Variants in GALNT13 observed in about 807,000 individuals in gnomAD.
GALNT13 encodes UDP-GalNAc:polypeptide N-acetylgalactosaminyltransferase 13.
GALNT13 carries 28 observed loss-of-function variants against 64.2 expected under a neutral mutation model. That is an observed-to-expected ratio of 0.44 (90% CI 0.32 to 0.60). The LOEUF is 0.60. Among genes scored for constraint, GALNT13 ranks in the 20% least tolerant of loss-of-function variants. The probability of loss-of-function intolerance (pLI) is 0.05; values close to 1 mark genes in which losing one functional copy is unlikely to be tolerated. For synonymous variants in GALNT13, 214 were observed against 224.6 expected, an observed-to-expected ratio of 0.95 and a Z score of 0.42; for missense variants, 577 against 669.8, an observed-to-expected ratio of 0.86 and a Z score of 1.53.
At chr2:153,561,787 C>T in the GALNT13 span, among the ~76,000 whole-genome samples, 1 of 151,576 alleles carries the variant, frequency 6.6e-6, no homozygotes, top group Non-Finnish European at 1.5e-5. Context: ...GCTAGGGTGT[C>T]CTCATTAATT....
At chr2:154,436,102 A>G (rs149320702) in intron 11 of GALNT13, 30 of 152,314 alleles carry the variant, frequency 2.0e-4, no homozygotes, top group African/African-American at 6.7e-4. Context: ...CATTAATCCA[A>G]GAAAAATAAG....
chr2:153,246,107 A>G, the GALNT13 span, among the ~76,000 whole-genome samples: 2 of 128,668 alleles, frequency 1.6e-5, no homozygotes, highest in African/African-American at 4.7e-5. Context: ...AGAAAAAAGG[A>G]AAAAAAAAAT....
chr2:153,386,696 G>T, the GALNT13 span, among the ~76,000 whole-genome samples: 1 of 152,020 alleles, frequency 6.6e-6, no homozygotes, highest in Non-Finnish European at 1.5e-5. Context: ...TGGGGGCCAG[G>T]TCAATAAGTT....
the GALNT13 span, among the ~76,000 whole-genome samples, chr2:153,584,183 C>T: frequency 9.9e-5 from 15 of 152,132 alleles, no homozygotes; most frequent in African/African-American, 3.4e-4. Flanking sequence ...GTGGTTGCTC[C>T]TCACCCAAGC....
At chr2:153,502,476 ATCCAC>A in the GALNT13 span, among the ~76,000 whole-genome samples, 163 of 152,252 alleles carry the variant, frequency 1.1e-3, 6 homozygotes, top group South Asian at 0.033. Flanking sequence ...CATTTTCTTT[ATCCAC>A]TCATTGATTG....
chr2:153,887,701 T>C (rs1486177579), intron 1 of GALNT13, among the ~76,000 whole-genome samples: 1 of 152,018 alleles, frequency 6.6e-6, no homozygotes, highest in Non-Finnish European at 1.5e-5. Context: ...ACATCACCGC[T>C]GATTTTTGTT....
the GALNT13 span, among the ~76,000 whole-genome samples, chr2:153,175,816 T>C: frequency 6.6e-6 from 1 of 152,164 alleles, no homozygotes; most frequent in Non-Finnish European, 1.5e-5. Context: ...AGGTGAATTG[T>C]ATATTACTGA....
chr2:154,446,816 A>G (rs1350789381), intron 12 of GALNT13: 14 of 1,427,902 alleles, frequency 9.8e-6, no homozygotes, highest in Non-Finnish European at 1.3e-5. Context: ...TGTTATGTTC[A>G]GTTATTGAAA....
the GALNT13 span, among the ~76,000 whole-genome samples, chr2:153,267,001 G>A: frequency 6.6e-6 from 1 of 152,224 alleles, no homozygotes; most frequent in Non-Finnish European, 1.5e-5. Flanking sequence ...TGTGGGCATT[G>A]GGTAAGTGTT....
the GALNT13 span, among the ~76,000 whole-genome samples, chr2:153,095,544 C>A: frequency 1.1e-4 from 16 of 152,166 alleles, no homozygotes; most frequent in Non-Finnish European, 1.9e-4. Flanking sequence ...TGGGTATATA[C>A]CCAAAGGATT....
chr2:154,300,400 G>C (rs1693373349), intron 8 of GALNT13, among the ~76,000 whole-genome samples: 1 of 151,908 alleles, frequency 6.6e-6, no homozygotes, highest in Admixed American at 6.6e-5. Context: ...ACCGCACCTG[G>C]CCAGAAATGG....
At chr2:154,211,768 A>G (rs966094890) in intron 4 of GALNT13, among the ~76,000 whole-genome samples, 2 of 152,136 alleles carry the variant, frequency 1.3e-5, no homozygotes, top group Non-Finnish European at 2.9e-5. Flanking sequence ...TATGCAGTGC[A>G]TGACTGTAAA....
At chr2:153,235,034 T>A in the GALNT13 span, among the ~76,000 whole-genome samples, 2 of 152,188 alleles carry the variant, frequency 1.3e-5, no homozygotes, top group African/African-American at 4.8e-5. Context: ...TGATCTCTGA[T>A]GTTACTGTCA....
chr2:153,322,679 T>G, the GALNT13 span, among the ~76,000 whole-genome samples: 3 of 152,010 alleles, frequency 2.0e-5, no homozygotes, highest in Admixed American at 2.0e-4. Context: ...CAGGCCCTAG[T>G]TGTGATGTTC....
chr2:154,344,675 A>G (rs976594233), intron 9 of GALNT13, among the ~76,000 whole-genome samples: 4 of 151,992 alleles, frequency 2.6e-5, no homozygotes, highest in Non-Finnish European at 4.4e-5. Context: ...TTCCCTTTAA[A>G]TGATACAATC....
the GALNT13 span, among the ~76,000 whole-genome samples, chr2:153,231,141 G>A: frequency 6.6e-6 from 1 of 152,126 alleles, no homozygotes; most frequent in Non-Finnish European, 1.5e-5. Flanking sequence ...AGCTAATGGA[G>A]ATACTCCCAG....
intron 3 of GALNT13, among the ~76,000 whole-genome samples, chr2:154,049,519 A>G (rs1699470537): frequency 6.8e-6 from 1 of 147,494 alleles, no homozygotes. Context: ...TAAATATTAT[A>G]TATATATATA....
the GALNT13 span, among the ~76,000 whole-genome samples, chr2:153,140,776 A>T: frequency 6.6e-6 from 1 of 152,054 alleles, no homozygotes; most frequent in African/African-American, 2.4e-5. Context: ...TTGCATTTTC[A>T]TTGAATTCAC....
chr2:153,584,180 C>G, the GALNT13 span, among the ~76,000 whole-genome samples: 24 of 152,284 alleles, frequency 1.6e-4, no homozygotes, highest in African/African-American at 5.5e-4. Context: ...TCAGTGGTTG[C>G]TCCTCACCCA....
Sources: gnomAD v4.1 joint callset for allele counts (sites outside exome capture counted in the v4.1 genomes callset) on GRCh38, gnomAD v4.1.1 for gene constraint, MANE v1.5 for transcripts, NCBI Gene and HGNC (gene_info 2026-07-23, HGNC 2026-07-21) for gene names.